NBAS: variants seen among roughly 807,000 people sequenced by gnomAD.
The protein encoded by NBAS is NAG/BC035112 fusion.
Under a neutral mutation model 302.5 loss-of-function variants are expected in NBAS, and 219 were observed. That is an observed-to-expected ratio of 0.72 (90% CI 0.65 to 0.81). The LOEUF is 0.81. NBAS is among the 30% of genes least tolerant of loss of function. The probability of loss-of-function intolerance (pLI) is 0.00; values close to 1 mark genes in which losing one functional copy is unlikely to be tolerated. For missense variants in NBAS, 2,932 were observed against 2,841.6 expected, an observed-to-expected ratio of 1.03 and a Z score of -0.72; for synonymous variants, 1,118 against 1,021.6, an observed-to-expected ratio of 1.09 and a Z score of -1.80.
chr2:15,065,208 T>C, the NBAS span, among the ~76,000 whole-genome samples: 1 of 152,168 alleles, frequency 6.6e-6, no homozygotes, highest in Non-Finnish European at 1.5e-5. Context: ...AAATTTTATG[T>C]TAATGATATC....
chr2:15,140,602 T>G, the NBAS span, among the ~76,000 whole-genome samples: 3 of 152,286 alleles, frequency 2.0e-5, no homozygotes, highest in East Asian at 5.8e-4. Context: ...TATAAAGGAA[T>G]GCTATTCAAA....
the NBAS span, among the ~76,000 whole-genome samples, chr2:14,906,156 ATAG>A: frequency 6.6e-6 from 1 of 152,142 alleles, no homozygotes; most frequent in African/African-American, 2.4e-5. Flanking sequence ...AACAGTACTA[ATAG>A]TAGCAGCGGC....
Position 15,327,901 on chromosome 2 carries a change from T to C in NBAS, c.4462-31A>G, listed in dbSNP as rs2042145. 315,897 of 1,611,672 alleles carry C rather than the reference T, an allele frequency of 0.2. 32,857 individuals carry two copies. The highest frequency in any genetic ancestry group is 0.34 in the Middle Eastern group (2,056 of 6,050). ...CAAAAGAAGCAGTTTCACTATCTAG[T>C]AGGGTGCCTTTTGTCCTACAAACAT... On this transcript the variant is annotated intron_variant, in intron 37 of 51. Coordinates refer to ENST00000281513, the MANE Select transcript of NBAS (RefSeq NM_015909.4).
chr2:14,982,640 A>G, the NBAS span, among the ~76,000 whole-genome samples: 1 of 152,208 alleles, frequency 6.6e-6, no homozygotes, highest in African/African-American at 2.4e-5. Context: ...AGAAAAAAAT[A>G]TCAAGAGGTA....
chr2:15,078,578 T>G, the NBAS span, among the ~76,000 whole-genome samples: 2 of 152,198 alleles, frequency 1.3e-5, no homozygotes, highest in Non-Finnish European at 2.9e-5. Context: ...GACTTTGATC[T>G]CCGTCAGTTT....
At chr2:14,837,331 G>A in the NBAS span, among the ~76,000 whole-genome samples, 1 of 151,882 alleles carries the variant, frequency 6.6e-6, no homozygotes, top group Non-Finnish European at 1.5e-5. Context: ...AATATATCAT[G>A]TCCAAATTGC....
At chr2:14,833,077 T>G in the NBAS span, among the ~76,000 whole-genome samples, 2 of 152,216 alleles carry the variant, frequency 1.3e-5, no homozygotes, top group Admixed American at 1.3e-4. Context: ...GTTTTGAGGC[T>G]TCAAAGTCTA....
At chr2:15,498,930 T>A (rs1335902826) in intron 11 of NBAS, among the ~76,000 whole-genome samples, 1 of 17,274 alleles carries the variant, frequency 5.8e-5, no homozygotes, top group African/African-American at 2.0e-4. Context: ...AGGGAGTTAC[T>A]TTTTTTTTTT....
intron 51 of NBAS, among the ~76,000 whole-genome samples, chr2:15,177,120 CTG>C (rs1405903945): frequency 1.3e-5 from 2 of 152,186 alleles, no homozygotes; most frequent in African/African-American, 4.8e-5. Flanking sequence ...CAATTTATAC[CTG>C]TGGCTTTGAT....
chr2:15,091,409 G>C, the NBAS span, among the ~76,000 whole-genome samples: 1 of 152,120 alleles, frequency 6.6e-6, no homozygotes, highest in Non-Finnish European at 1.5e-5. Flanking sequence ...AAAATGATGA[G>C]GATAAAGACC....
the NBAS span, among the ~76,000 whole-genome samples, chr2:15,038,080 AATATAT>A: frequency 7.1e-6 from 1 of 140,684 alleles, no homozygotes; most frequent in African/African-American, 2.6e-5. Flanking sequence ...ATAATTATAT[AATATAT>A]ATATATATAT....
At chr2:14,909,853 A>G in the NBAS span, among the ~76,000 whole-genome samples, 2 of 152,228 alleles carry the variant, frequency 1.3e-5, no homozygotes, top group African/African-American at 4.8e-5. Flanking sequence ...CTGTGGGGAC[A>G]GCCCAGTTGA....
At chr2:15,349,339 T>G (rs983283789) in intron 35 of NBAS, among the ~76,000 whole-genome samples, 5 of 152,328 alleles carry the variant, frequency 3.3e-5, no homozygotes, top group Non-Finnish European at 5.9e-5. Context: ...AGAACTGTTC[T>G]GAATCCCACA....
intron 38 of NBAS, among the ~76,000 whole-genome samples, chr2:15,317,328 A>G (rs1671561332): frequency 6.6e-6 from 1 of 152,206 alleles, no homozygotes; most frequent in Non-Finnish European, 1.5e-5. Flanking sequence ...TCTAAAAACC[A>G]GAGCACCTCT....
At chr2:15,378,245 A>C (rs555889762) in intron 30 of NBAS, among the ~76,000 whole-genome samples, 11 of 152,292 alleles carry the variant, frequency 7.2e-5, no homozygotes, top group Non-Finnish European at 1.3e-4. Flanking sequence ...GATCAACACA[A>C]CTCTGAGTAA....
chr2:15,053,166 A>G, the NBAS span, among the ~76,000 whole-genome samples: 1 of 152,224 alleles, frequency 6.6e-6, no homozygotes, highest in Non-Finnish European at 1.5e-5. Context: ...CATGATTAAA[A>G]TGTTTAGATA....
chr2:15,508,452 G>T (rs993570196), intron 10 of NBAS, among the ~76,000 whole-genome samples: 1 of 152,108 alleles, frequency 6.6e-6, no homozygotes, highest in Non-Finnish European at 1.5e-5. Context: ...AACCAAAAGG[G>T]ACTTTCACCA....
chr2:15,366,348 G>A (rs910956712), intron 32 of NBAS, among the ~76,000 whole-genome samples: 1 of 152,064 alleles, frequency 6.6e-6, no homozygotes, highest in African/African-American at 2.4e-5. Context: ...TTTATAACAC[G>A]TCAATTTTTC....
chr2:15,546,399 A>C (rs1213513944), intron 6 of NBAS, among the ~76,000 whole-genome samples: 2 of 152,340 alleles, frequency 1.3e-5, no homozygotes, highest in African/African-American at 4.8e-5. Context: ...GAGGATCCTG[A>C]ATCACAATTC....
Sources: allele counts gnomAD v4.1 joint callset (sites outside exome capture counted in the v4.1 genomes callset), GRCh38; gene constraint gnomAD v4.1.1; transcripts MANE v1.5; gene names NCBI Gene and HGNC (gene_info 2026-07-23, HGNC 2026-07-21).